PKMYT1: variants seen among roughly 807,000 people sequenced by gnomAD.
PKMYT1 encodes the protein protein kinase, membrane associated tyrosine/threonine 1, also known as membrane-associated tyrosine- and threonine-specific cdc2-inhibitory kinase.
Under a neutral mutation model 49.7 loss-of-function variants are expected in PKMYT1, and 35 were observed. The ratio of observed to expected loss-of-function variants is 0.70; its 90% confidence interval spans 0.54 to 0.93. The LOEUF (loss-of-function observed/expected upper bound fraction) is 0.93, where lower values mean the gene tolerates loss of function less well. Among genes scored for constraint, PKMYT1 ranks in the 40% least tolerant of loss-of-function variants. PKMYT1 has a pLI of 0.00. For synonymous variants in PKMYT1, 331 were observed against 287.6 expected, an observed-to-expected ratio of 1.15 and a Z score of -1.53; for missense variants, 677 against 673.1, an observed-to-expected ratio of 1.01 and a Z score of -0.06.
chr16:2,973,442 T>C, intron 7 of PKMYT1: 2 of 1,527,856 alleles, frequency 1.3e-6, no homozygotes, highest in Non-Finnish European at 1.8e-6. Flanking sequence ...TCAGAACACA[T>C]GGACTTGGAG....
chr16:2,974,411 G>C lies in PKMYT1; in HGVS notation c.986C>G (p.Ser329Cys). The C allele has an allele frequency of 6.8e-6, 11 of 1,607,962 alleles. No homozygotes were observed. Among genetic ancestry groups the C allele is most frequent in the Non-Finnish European group, 9.3e-6 (11 of 1,176,634 alleles). ...YLPPEFTAGLSSELRSVLVMM... is the reference protein window; with the variant it reads ...YLPPEFTAGLCSELRSVLVMM... Reference sequence around the variant, plus strand: ...GACAAGGACAGAACGCAGCTCGGAAGACAGACCTGCCCATGAGGAAGGGCC... The same window carrying C: ...GACAAGGACAGAACGCAGCTCGGAACACAGACCTGCCCATGAGGAAGGGCC... The change falls in exon 6 of 9, where the codon TCT (serine) becomes TGT (cysteine). Residue 329 changes from serine to cysteine, a missense_variant. Ser to Cys is a moderately radical substitution (Grantham distance 112, BLOSUM62 -1). Transcript: ENST00000262300.
In PKMYT1 at chr16:2,975,810, C is replaced by T; in HGVS notation, c.381G>A (p.Val127=). The T allele has an allele frequency of 1.9e-6, 3 of 1,586,828 alleles. No homozygotes were observed. Among genetic ancestry groups the T allele is most frequent in the Non-Finnish European group, 2.6e-6 (3 of 1,171,716 alleles). ...AGAGCCGGCCGTCCTCCTTGGAGCG[C>T]ACCTGGAAGGGAGGTGGTACCCACG... The part of the protein sequence containing the change: ...GHGSYGEVFK[V]RSKEDGRLYA... The change falls in exon 4 of 9, where the codon GTG becomes GTA. Residue 127 remains valine (V), a splice_region_variant and synonymous_variant. Coordinates refer to ENST00000262300, the MANE Select transcript of PKMYT1 (RefSeq NM_004203.5).
At position 2,975,720 on chromosome 16, in the gene PKMYT1, C is replaced by T. The variant is rs1427452690; in HGVS notation, c.471G>A (p.Glu157=). Residue 157 remains glutamate, a synonymous_variant, in exon 4 of 9, where the codon GAG becomes GAA. Transcript: ENST00000262300. ...GCCCCACCTTCTCGTGGCTGCCCACCTCGGCCAACTTGCGGGCCCGGTCCT... is the reference window on the plus strand; with the variant it reads ...GCCCCACCTTCTCGTGGCTGCCCACTTCGGCCAACTTGCGGGCCCGGTCCT... ...GPKDRARKLA[E]VGSHEKVGQH... 6.2e-7 allele frequency: 1 copy of T among 1,605,830 alleles called. No individual in the cohort carries two copies. Among genetic ancestry groups the T allele is most frequent in the Non-Finnish European group, 8.5e-7 (1 of 1,179,900 alleles).
intron 3 of PKMYT1, 55 bp downstream of exon 3, chr16:2,976,609 G>A (rs911563290): frequency 7.1e-7 from 1 of 1,407,040 alleles, no homozygotes; most frequent in Non-Finnish European, 9.3e-7. Flanking sequence ...CAAGGGAGGT[G>A]CAGAAACACA....
intron 2 of PKMYT1, among the ~76,000 whole-genome samples, chr16:2,979,032 G>A (rs2151081046): frequency 6.7e-6 from 1 of 148,566 alleles, no homozygotes; most frequent in East Asian, 2.3e-4. Flanking sequence ...GTGCACCAAA[G>A]TATTATAAAA....
rs959874182 is a variant in PKMYT1, at chr16:2,979,822, C to T, written c.-165G>A. 2.8e-6 allele frequency: 2 copies of T among 718,528 alleles called. No homozygotes were observed. The highest frequency in any genetic ancestry group is 4.7e-6 in the Non-Finnish European group (2 of 424,226). The allele number at this position is 718,528 out of a possible 1,614,324, so 44.5% of individuals were successfully genotyped here. Reference sequence around the variant, plus strand: ...TCTCGCCTCACCCTCTCACCAGGCCCGACACATCTGCTGGCCACCTTTCCC... The same window carrying T: ...TCTCGCCTCACCCTCTCACCAGGCCTGACACATCTGCTGGCCACCTTTCCC... On this transcript the variant is annotated 5_prime_UTR_variant, in exon 2 of 9. Transcript: ENST00000262300.
chr16:2,979,982 CCGGGGCAGGGGCTGTCA>C lies in PKMYT1; in HGVS notation c.-255-87_-255-71del, dbSNP rs572533715. 7.1e-4 allele frequency: 292 copies of C among 412,644 alleles called. 8 individuals carry two copies. The South Asian group carries it at 8.1e-3, about 12-fold the overall frequency. 25.6% of individuals were successfully genotyped at this position (412,644 alleles called of 1,614,324 possible). A position where few individuals can be genotyped will look rare whatever the true frequency, so the allele number is the denominator to read the frequency against. On this transcript the variant is annotated intron_variant, in intron 1 of 8. Coordinates refer to ENST00000262300, the MANE Select transcript of PKMYT1 (RefSeq NM_004203.5). ...CTGTTGCAGAAGAAGAGAGGCTGTC[CCGGGGCAGGGGCTGTCA>C]CGGAGGAAGGACTGTCACGGGGAGG...
intron 4 of PKMYT1, chr16:2,974,871 C>G (rs1183984906): frequency 1.7e-6 from 1 of 583,928 alleles, no homozygotes; most frequent in East Asian, 2.9e-5. Context: ...GCCCAGGGAG[C>G]CCACAAGCCA....
Position 2,979,759 on chromosome 16 carries a change from G to C in PKMYT1, c.-102C>G. ...CCCTGAGCTAAGGCCAGGCGGGGGTGACCTCCGCAGCTTCCGGGGCCCTGG... is the reference window on the plus strand; with the variant it reads ...CCCTGAGCTAAGGCCAGGCGGGGGTCACCTCCGCAGCTTCCGGGGCCCTGG... On this transcript the variant is annotated 5_prime_UTR_variant, in exon 2 of 9. Transcript: ENST00000262300. 3.5e-6 allele frequency: 5 copies of C among 1,442,264 alleles called. No homozygotes were observed. The highest frequency in any genetic ancestry group is 4.8e-6 in the Non-Finnish European group (5 of 1,035,388). 89.3% of individuals were successfully genotyped at this position (1,442,264 alleles called of 1,614,324 possible).
Position 2,975,397 on chromosome 16 carries a change from T to A in PKMYT1, c.794A>T (p.Glu265Val), listed in dbSNP as rs1473809979. 1 of 1,613,150 alleles carries A rather than the reference T, an allele frequency of 6.2e-7. No individual in the cohort carries two copies. The highest frequency in any genetic ancestry group is 8.5e-7 in the Non-Finnish European group (1 of 1,179,958). ...LVELGTAGAG[E>V]VQEGDPRYMA... is the part of the protein sequence containing the mutation. ...GTAGCGGGGGTCTCCCTCCTGGACC[T>A]CACCAGCTCCTGCTGTACCCAGCTC... Residue 265 changes from glutamate to valine, a missense_variant, in exon 4 of 9, where the codon GAG becomes GTG. Coordinates refer to ENST00000262300, the MANE Select transcript of PKMYT1 (RefSeq NM_004203.5).
At chr16:2,977,101 CAA>C in intron 2 of PKMYT1, 70 bp from the exon 3 acceptor site, 1 of 1,578,292 alleles carries the variant, frequency 6.3e-7, no homozygotes, top group Non-Finnish European at 8.5e-7. Flanking sequence ...CCTGTGGCTC[CAA>C]AGAGGCCACA....
intron 7 of PKMYT1, 22 bp downstream of exon 7, chr16:2,973,978 C>T: frequency 1.2e-6 from 2 of 1,611,190 alleles, no homozygotes; most frequent in Non-Finnish European, 1.7e-6. Flanking sequence ...CCTAGCCCCC[C>T]ATACCCTGCA....
chr16:2,978,007 A>G (rs931118316), intron 2 of PKMYT1, among the ~76,000 whole-genome samples: 2 of 152,202 alleles, frequency 1.3e-5, no homozygotes, highest in African/African-American at 4.8e-5. Flanking sequence ...ATTTGTAGGA[A>G]GGAGGCTCCA....
At chr16:2,978,747 C>CAAAAAAAAAAATAA (rs2072264505) in intron 2 of PKMYT1, among the ~76,000 whole-genome samples, 1 of 133,846 alleles carries the variant, frequency 7.5e-6, no homozygotes, top group Non-Finnish European at 1.6e-5. Context: ...GACTCTGTCT[C>CAAAAAAAAAAATAA]AAAAAAAAAA....
chr16:2,973,129 C>T lies in PKMYT1; in HGVS notation c.1388+9G>A, dbSNP rs1206198457. 1 of 1,554,604 alleles carries T rather than the reference C, an allele frequency of 6.4e-7. No homozygotes were observed. Among genetic ancestry groups the T allele is most frequent in the Non-Finnish European group, 8.7e-7 (1 of 1,145,124 alleles). On this transcript the variant is annotated intron_variant, in intron 8 of 8. Transcript: ENST00000262300. The stretch of plus-strand genomic sequence containing the variant: ...AGCCCTGCCCACCCCAGCCCCTGGA[C>T]CTGCTTACCTGGGTGTGCACCTGCT...
At chr16:2,980,252 C>G (rs1196568158) in intron 1 of PKMYT1, 34 bp downstream of exon 1, 1 of 153,648 alleles carries the variant, frequency 6.5e-6, no homozygotes, top group Non-Finnish European at 1.5e-5. Flanking sequence ...GAGGTGGCCA[C>G]GCCGAGGCCC....
intron 7 of PKMYT1, chr16:2,973,617 C>T (rs1264367563): frequency 6.4e-6 from 3 of 467,180 alleles, no homozygotes. Context: ...TACAGCCTCT[C>T]ACTCAAGACA....
intron 7 of PKMYT1, 199 bp from the exon 8 acceptor site, chr16:2,973,414 AG>A: frequency 2.0e-6 from 3 of 1,534,134 alleles, no homozygotes; most frequent in Non-Finnish European, 2.6e-6. Flanking sequence ...CTGCACTCCA[AG>A]GCCCCCTCTG....
At position 2,973,043 on chromosome 16, in the gene PKMYT1, G is replaced by A; in HGVS notation, c.1410C>T (p.Asp470=). ...CTPRDALDLS[D]INSEPPRGSF... ...AGCCCCGAGGAGGCTCTGAGTTGATGTCACTTAGGTCCAGGGCATCCCTGG... is the reference window on the plus strand; with the variant it reads ...AGCCCCGAGGAGGCTCTGAGTTGATATCACTTAGGTCCAGGGCATCCCTGG... Residue 470 remains aspartate, a synonymous_variant, in exon 9 of 9, where the codon GAC becomes GAT. Coordinates refer to ENST00000262300, the MANE Select transcript of PKMYT1 (RefSeq NM_004203.5). 2.5e-6 allele frequency: 4 copies of A among 1,607,608 alleles called. No homozygotes were observed. Among genetic ancestry groups the A allele is most frequent in the East Asian group, 4.5e-5 (2 of 44,718 alleles).
Sources: gnomAD v4.1 joint callset for allele counts (sites outside exome capture counted in the v4.1 genomes callset) on GRCh38, gnomAD v4.1.1 for gene constraint, MANE v1.5 for transcripts, NCBI Gene and HGNC (gene_info 2026-07-23, HGNC 2026-07-21) for gene names.